SGCZ: variants seen among roughly 807,000 people sequenced by gnomAD.
The protein encoded by SGCZ is zeta-sarcoglycan.
In SGCZ, 40 loss-of-function variants were observed where a neutral mutation model predicts 41.3. The ratio of observed to expected loss-of-function variants is 0.97; its 90% CI spans 0.75 to 1.26. The LOEUF (loss-of-function observed/expected upper bound fraction) is 1.26. SGCZ is among the 50% of genes most tolerant of loss of function. The pLI is 0.00. For missense variants in SGCZ, 552 were observed against 369.8 expected, an observed-to-expected ratio of 1.49 and a Z score of -4.04; for synonymous variants, 206 against 137.5, an observed-to-expected ratio of 1.50 and a Z score of -3.49.
chr8:15,033,411 C>A (rs1422772389), intron 1 of SGCZ, among the ~76,000 whole-genome samples: 1 of 151,730 alleles, frequency 6.6e-6, no homozygotes, highest in Non-Finnish European at 1.5e-5. Context: ...AGACTAGTCC[C>A]AGGCTCCATG....
At chr8:15,168,462 C>A (rs543304341) in intron 1 of SGCZ, among the ~76,000 whole-genome samples, 2 of 151,874 alleles carry the variant, frequency 1.3e-5, no homozygotes, top group African/African-American at 2.4e-5. Flanking sequence ...TTCTCTAGCT[C>A]CCCCCACAAC....
At chr8:14,948,501 T>C (rs1800528666) in intron 1 of SGCZ, among the ~76,000 whole-genome samples, 1 of 152,056 alleles carries the variant, frequency 6.6e-6, no homozygotes, top group Non-Finnish European at 1.5e-5. Context: ...AGGTCTCCGC[T>C]AGATCAAACT....
At chr8:14,175,607 G>T (rs543304641) in intron 4 of SGCZ, among the ~76,000 whole-genome samples, 63 of 151,670 alleles carry the variant, frequency 4.2e-4, no homozygotes, top group African/African-American at 1.5e-3. Context: ...AATAATAGAA[G>T]AATCTAAATT....
chr8:14,238,511 G>A (rs1405026565), intron 3 of SGCZ, among the ~76,000 whole-genome samples: 6 of 152,056 alleles, frequency 3.9e-5, no homozygotes, highest in Non-Finnish European at 5.9e-5. Context: ...GTAACGTGTT[G>A]ACTTTTATTA....
At chr8:14,541,762 G>A (rs1585062994) in intron 2 of SGCZ, among the ~76,000 whole-genome samples, 1 of 151,978 alleles carries the variant, frequency 6.6e-6, no homozygotes, top group South Asian at 2.1e-4. Flanking sequence ...TGTAAAAGCA[G>A]TCCTATTTCT....
At chr8:14,764,013 A>C (rs1389652779) in intron 1 of SGCZ, among the ~76,000 whole-genome samples, 8 of 152,174 alleles carry the variant, frequency 5.3e-5, no homozygotes, top group Non-Finnish European at 1.2e-4. Context: ...TTCCCTATCA[A>C]GTTCCTTGGA....
intron 3 of SGCZ, among the ~76,000 whole-genome samples, chr8:14,318,944 A>AC (rs1001619995): frequency 1.3e-5 from 2 of 151,962 alleles, no homozygotes; most frequent in Admixed American, 6.6e-5. Context: ...ATTATACAAA[A>AC]AAAAATATGA....
At chr8:14,098,033 T>C (rs561552137) in intron 7 of SGCZ, among the ~76,000 whole-genome samples, 2 of 152,276 alleles carry the variant, frequency 1.3e-5, no homozygotes, top group East Asian at 3.9e-4. Context: ...AAATACATCC[T>C]CCTCAAAGAT....
intron 2 of SGCZ, among the ~76,000 whole-genome samples, chr8:14,410,742 G>A (rs373981060): frequency 3.3e-5 from 5 of 152,136 alleles, no homozygotes; most frequent in South Asian, 2.1e-4. Context: ...AAACCTGCAC[G>A]TTTTGCACAT....
intron 1 of SGCZ, among the ~76,000 whole-genome samples, chr8:15,136,939 T>C (rs558834729): frequency 4.0e-4 from 61 of 152,160 alleles, no homozygotes; most frequent in African/African-American, 1.4e-3. Flanking sequence ...ATGGAACAGT[T>C]TGGAGGGCTC....
At chr8:14,304,559 A>G (rs997611319) in intron 3 of SGCZ, among the ~76,000 whole-genome samples, 6 of 152,262 alleles carry the variant, frequency 3.9e-5, no homozygotes, top group Non-Finnish European at 8.8e-5. Flanking sequence ...TGCAACTGCA[A>G]TCCAGCCTGG....
At chr8:15,142,855 C>T (rs907185905) in intron 1 of SGCZ, among the ~76,000 whole-genome samples, 1 of 152,134 alleles carries the variant, frequency 6.6e-6, no homozygotes, top group Non-Finnish European at 1.5e-5. Context: ...CCCAATCCAC[C>T]CACCTTGGCC....
intron 1 of SGCZ, among the ~76,000 whole-genome samples, chr8:14,905,731 G>A (rs1051348789): frequency 1.3e-5 from 2 of 151,812 alleles, no homozygotes; most frequent in East Asian, 1.9e-4. Flanking sequence ...GATGTCATCA[G>A]AAGCTATAGG....
chr8:15,226,071 G>A (rs924149767), intron 1 of SGCZ, among the ~76,000 whole-genome samples: 4 of 152,286 alleles, frequency 2.6e-5, no homozygotes, highest in East Asian at 3.9e-4. Flanking sequence ...TTACAAAGAC[G>A]TCTAAGCAAC....
At chr8:14,316,630 A>T (rs935460016) in intron 3 of SGCZ, among the ~76,000 whole-genome samples, 1 of 151,752 alleles carries the variant, frequency 6.6e-6, no homozygotes, top group African/African-American at 2.4e-5. Context: ...TCTTTCCAGG[A>T]TATCATATTA....
chr8:14,600,758 G>T (rs1805565968), intron 1 of SGCZ, among the ~76,000 whole-genome samples: 1 of 151,988 alleles, frequency 6.6e-6, no homozygotes, highest in South Asian at 2.1e-4. Flanking sequence ...AGGTATCCTT[G>T]TACTATTTTA....
At chr8:14,901,886 C>T (rs531513789) in intron 1 of SGCZ, among the ~76,000 whole-genome samples, 1 of 152,178 alleles carries the variant, frequency 6.6e-6, no homozygotes, top group Non-Finnish European at 1.5e-5. Flanking sequence ...AAAAATAAAG[C>T]AGGAAACAAA....
intron 4 of SGCZ, among the ~76,000 whole-genome samples, chr8:14,220,873 A>G (rs1806169254): frequency 6.6e-6 from 1 of 152,222 alleles, no homozygotes; most frequent in African/African-American, 2.4e-5. Flanking sequence ...GAAGCAAAAA[A>G]GGAAATAGCA....
At chr8:14,588,165 A>C (rs10110210) in intron 1 of SGCZ, among the ~76,000 whole-genome samples, 5,762 of 149,114 alleles carry the variant, frequency 0.039, 258 homozygotes, top group African/African-American at 0.11. Context: ...AGAATATGAT[A>C]AAATTTTTCA....
Sources: allele counts gnomAD v4.1 joint callset (sites outside exome capture counted in the v4.1 genomes callset), GRCh38; gene constraint gnomAD v4.1.1; transcripts MANE v1.5; gene names NCBI Gene and HGNC (gene_info 2026-07-23, HGNC 2026-07-21).